Variants in ZNF730 observed in about 807,000 individuals in gnomAD.
ZNF730 encodes zinc finger protein 730, also known as putative zinc finger protein 730.
Under a neutral mutation model 12.6 loss-of-function variants are expected in ZNF730, and 12 were observed. That is an observed-to-expected ratio of 0.95 (90% confidence interval 0.61 to 1.54). ZNF730 has a LOEUF of 1.54. ZNF730 is among the 40% of genes most tolerant of loss of function. The pLI, the probability that ZNF730 is intolerant of heterozygous loss-of-function variation, is 0.00. For missense variants in ZNF730, 643 were observed against 583.5 expected (o/e 1.10, Z -1.05); for synonymous variants, 194 against 195.8 (o/e 0.99, Z 0.08).
upstream of ZNF730, among the ~76,000 whole-genome samples, chr19:23,114,710 C>CT (rs1463240363): frequency 6.6e-6 from 1 of 151,970 alleles, no homozygotes; most frequent in Non-Finnish European, 1.5e-5. Flanking sequence ...AATGAATAAT[C>CT]TGTTGTTGGG....
chr19:23,135,106 C>A (rs1190265623), intron 2 of ZNF730, among the ~76,000 whole-genome samples: 6 of 140,504 alleles, frequency 4.3e-5, no homozygotes, highest in African/African-American at 1.6e-4. Flanking sequence ...GCAGGGTCCT[C>A]TGCCTAGGAA....
At position 23,138,050 on chromosome 19, in the gene ZNF730, G is replaced by A. The variant is rs1463417237; in HGVS notation, c.226+2007G>A. On this transcript the variant is annotated intron_variant, in intron 3 of 3. Transcript: ENST00000597761. ...TGTAATCCCAGCACTTTGGGAGGCC[G>A]AGGCGGGCGGATCACGAGGTCAGGA... Among the ~76,000 whole-genome samples, 2 of 72,238 alleles carry A rather than the reference G, an allele frequency of 2.8e-5. 1 individual carries two copies. Among genetic ancestry groups the A allele is most frequent in the African/African-American group, 7.2e-5 (2 of 27,638 alleles). The allele number at this position is 72,238 out of a possible 152,430, so 47.4% of individuals were successfully genotyped here. A position where few individuals can be genotyped will look rare whatever the true frequency, so the allele number is the denominator to read the frequency against.
chr19:23,143,194 G>T (rs931193706), intron 3 of ZNF730, among the ~76,000 whole-genome samples: 1 of 151,546 alleles, frequency 6.6e-6, no homozygotes, highest in African/African-American at 2.4e-5. Flanking sequence ...GCAGTGAGCC[G>T]AAATAGTGCC....
intron 1 of ZNF730, among the ~76,000 whole-genome samples, chr19:23,087,198 A>T (rs1446658474): frequency 6.6e-6 from 1 of 152,164 alleles, no homozygotes; most frequent in African/African-American, 2.4e-5. Context: ...ACCTGAGATC[A>T]GGTGTTCGAG....
intron 1 of ZNF730, among the ~76,000 whole-genome samples, chr19:23,087,241 C>G (rs765635176): frequency 6.6e-6 from 1 of 152,144 alleles, no homozygotes; most frequent in South Asian, 2.1e-4. Flanking sequence ...AATCTTGTCT[C>G]TACTAAAATT....
chr19:23,084,832 T>C (rs1970031004), intron 1 of ZNF730, among the ~76,000 whole-genome samples: 1 of 152,240 alleles, frequency 6.6e-6, no homozygotes, highest in Non-Finnish European at 1.5e-5. Context: ...ATGGTGTATA[T>C]GTACCACATT....
In ZNF730 at chr19:23,146,364, T is replaced by C; in HGVS notation, c.1320T>C (p.Thr440=). 7 of 1,612,470 alleles carry C rather than the reference T, an allele frequency of 4.3e-6. No homozygotes were observed. The highest frequency in any genetic ancestry group is 5.9e-6 in the Non-Finnish European group (7 of 1,179,554). Residue 440 remains threonine (T), a synonymous_variant, in exon 4 of 4, where the codon ACT becomes ACC. Transcript: ENST00000597761. ...CTTTCAACCAGTCCTCAACCCTTAC[T>C]ACACATAAAAGAATTCATACTGGAG... ...GRAFNQSSTL[T]THKRIHTGEK...
At chr19:23,114,300 C>CTCTT (rs1970488935), upstream of ZNF730, among the ~76,000 whole-genome samples, 2 of 119,538 alleles carry the variant, frequency 1.7e-5, no homozygotes, top group Non-Finnish European at 3.3e-5. Flanking sequence ...TTTTCTTTTT[C>CTCTT]TTTTCTTTTT....
intron 1 of ZNF730, among the ~76,000 whole-genome samples, chr19:23,111,430 C>T (rs773303604): frequency 2.3e-4 from 35 of 152,044 alleles, no homozygotes; most frequent in Admixed American, 2.0e-3. Flanking sequence ...ACTTATTTCT[C>T]TAGACAAGTT....
chr19:23,096,124 A>G (rs2145508433), intron 1 of ZNF730, among the ~76,000 whole-genome samples: 1 of 152,242 alleles, frequency 6.6e-6, no homozygotes, highest in Middle Eastern at 3.4e-3. Context: ...CCCTACCTAC[A>G]GGTAGCATTG....
chr19:23,102,469 T>C (rs1315223768), intron 1 of ZNF730, among the ~76,000 whole-genome samples: 1 of 151,858 alleles, frequency 6.6e-6, no homozygotes, highest in Non-Finnish European at 1.5e-5. Context: ...GGTGTGATGA[T>C]GTTGATCCTT....
chr19:23,141,130 C>T (rs1291965799), intron 3 of ZNF730, among the ~76,000 whole-genome samples: 3 of 152,036 alleles, frequency 2.0e-5, no homozygotes, highest in Non-Finnish European at 4.4e-5. Context: ...TGTGGTGGCT[C>T]ACGCCTGTAA....
chr19:23,122,188 C>G (rs967608439), intron 1 of ZNF730, among the ~76,000 whole-genome samples: 1 of 114,358 alleles, frequency 8.7e-6, no homozygotes, highest in Non-Finnish European at 1.6e-5. Context: ...GTCGCCCAGG[C>G]TGGAATACAA....
intron 1 of ZNF730, among the ~76,000 whole-genome samples, chr19:23,089,568 G>T (rs1970121523): frequency 6.6e-6 from 1 of 152,136 alleles, no homozygotes; most frequent in South Asian, 2.1e-4. Context: ...GGGTTTATTA[G>T]TGGTTTCTGC....
intron 3 of ZNF730, among the ~76,000 whole-genome samples, chr19:23,139,382 G>A (rs986357801): frequency 2.0e-5 from 3 of 151,946 alleles, no homozygotes; most frequent in African/African-American, 7.3e-5. Flanking sequence ...GTTTTTCATA[G>A]AATCTTCTAT....
At position 23,145,948 on chromosome 19, in the gene ZNF730, C is replaced by A. The variant is rs1599604540; in HGVS notation, c.904C>A (p.His302Asn). 1 of 1,607,878 alleles carries A rather than the reference C, an allele frequency of 6.2e-7. No individual in the cohort carries two copies. Among genetic ancestry groups the A allele is most frequent in the East Asian group, 2.2e-5 (1 of 44,806 alleles). Reference sequence around the variant, plus strand: ...TAACCAGTCCTCAAACCTTACTGAACATAAGAAAATTCATACTAAAGAGCA... The same window carrying A: ...TAACCAGTCCTCAAACCTTACTGAAAATAAGAAAATTCATACTAAAGAGCA... ...AFNQSSNLTE[H>N]KKIHTKEQPY... Residue 302 changes from histidine to asparagine, a missense_variant, in exon 4 of 4, where the codon CAT (histidine) becomes AAT (asparagine). His to Asn is a moderately conservative substitution (Grantham distance 68). Transcript: ENST00000597761.
Position 23,145,875 on chromosome 19 carries a change from T to C in ZNF730, c.831T>C (p.Ile277=). 2 of 1,610,130 alleles carry C rather than the reference T, an allele frequency of 1.2e-6. No homozygotes were observed. ...CAAACCTTACTACACATAAAAGAATTCATACTGGAGAGAAACCCTATAAAT... is the reference window on the plus strand; with the variant it reads ...CAAACCTTACTACACATAAAAGAATCCATACTGGAGAGAAACCCTATAAAT... ...QSTNLTTHKR[I]HTGEKPYKCE... Residue 277 remains isoleucine (I), a synonymous_variant, in exon 4 of 4, where the codon ATT becomes ATC. Coordinates refer to ENST00000597761, the MANE Select transcript of ZNF730 (RefSeq NM_001277403.2).
Position 23,077,424 on chromosome 19 carries a change from C to CTTTTTTTT in ZNF730, c.-94+2061_-94+2068dup, listed in dbSNP as rs71163442. ...AGCTTTTCCCATAATTCCCTAAGAG[C>CTTTTTTTT]TTTTTTTTTTTTTTTTTTTTTTTTT... On this transcript the variant is annotated intron_variant, in intron 1 of 2. Transcript: ENST00000593635. 2.0e-4 allele frequency among the ~76,000 whole-genome samples: 9 copies of CTTTTTTTT among 45,568 alleles called. 2 individuals carry two copies. Among genetic ancestry groups the CTTTTTTTT allele is most frequent in the East Asian group, 1.8e-3 (2 of 1,116 alleles). 29.9% of individuals were successfully genotyped at this position (45,568 alleles called of 152,430 possible).
intron 1 of ZNF730, chr19:23,128,040 G>A: frequency 1.3e-6 from 1 of 758,052 alleles, no homozygotes; most frequent in Non-Finnish European, 2.4e-6. Flanking sequence ...GCCAAGTGGA[G>A]GTGACTGGCA....
Sources: allele counts gnomAD v4.1 joint callset (sites outside exome capture counted in the v4.1 genomes callset), GRCh38; gene constraint gnomAD v4.1.1; transcripts MANE v1.5; gene names NCBI Gene and HGNC (gene_info 2026-07-23, HGNC 2026-07-21).